WASF1: variants seen among roughly 807,000 people sequenced by gnomAD.
WASF1 encodes the protein actin-binding protein WASF1.
Under a neutral mutation model 50.5 loss-of-function variants are expected in WASF1, and 7 were observed. The ratio of observed to expected loss-of-function variants is 0.14; its 90% confidence interval spans 0.08 to 0.26. WASF1 has a LOEUF of 0.26. Among genes scored for constraint, WASF1 ranks in the 10% least tolerant of loss-of-function variants. The pLI, the probability that WASF1 is intolerant of heterozygous loss-of-function variation, is 1.00. For missense variants in WASF1, 470 were observed against 694.7 expected, an observed-to-expected ratio of 0.68 and a Z score of 3.64; for synonymous variants, 205 against 244.0, an observed-to-expected ratio of 0.84 and a Z score of 1.49.
chr6:110,116,475 G>A (rs139854176), intron 4 of WASF1, among the ~76,000 whole-genome samples: 8 of 152,296 alleles, frequency 5.3e-5, no homozygotes, highest in East Asian at 1.9e-4. Flanking sequence ...GCAGCTTGAC[G>A]GGGGAGGGGT....
intron 4 of WASF1, among the ~76,000 whole-genome samples, chr6:110,125,844 C>A (rs1303108460): frequency 6.6e-6 from 1 of 152,144 alleles, no homozygotes; most frequent in Non-Finnish European, 1.5e-5. Flanking sequence ...TTCGCTACAG[C>A]ATAACCATGT....
At chr6:110,114,966 C>T (rs1773731287) in intron 4 of WASF1, among the ~76,000 whole-genome samples, 1 of 151,882 alleles carries the variant, frequency 6.6e-6, no homozygotes, top group African/African-American at 2.4e-5. Context: ...ATGGTATGTG[C>T]CTGTAGTCCC....
intron 3 of WASF1, among the ~76,000 whole-genome samples, chr6:110,132,733 A>T (rs1295510417): frequency 6.6e-6 from 1 of 151,772 alleles, no homozygotes; most frequent in Non-Finnish European, 1.5e-5. Flanking sequence ...TATCATTCCT[A>T]TGCCTTTGCA....
At chr6:110,136,738 C>T (rs949223164) in intron 3 of WASF1, among the ~76,000 whole-genome samples, 2 of 152,212 alleles carry the variant, frequency 1.3e-5, no homozygotes, top group Admixed American at 6.5e-5. Context: ...CAGTTAGCTG[C>T]TGCCTTTTGC....
intron 8 of WASF1, among the ~76,000 whole-genome samples, chr6:110,104,869 T>C (rs1236387978): frequency 6.6e-6 from 1 of 152,178 alleles, no homozygotes; most frequent in African/African-American, 2.4e-5. Context: ...TTGCTGGTAG[T>C]ATGTTATTTA....
intron 3 of WASF1, among the ~76,000 whole-genome samples, chr6:110,148,952 T>C (rs924958353): frequency 3.9e-5 from 6 of 152,228 alleles, no homozygotes; most frequent in African/African-American, 1.4e-4. Flanking sequence ...AGAAACTTTC[T>C]ATAGTCAGCC....
chr6:110,179,256 G>A (rs1441825571), intron 1 of WASF1, among the ~76,000 whole-genome samples, 183 bp downstream of exon 1: 2 of 152,108 alleles, frequency 1.3e-5, no homozygotes, highest in Non-Finnish European at 2.9e-5. Flanking sequence ...GCTGGCGGGT[G>A]GGCGGTGGGC....
intron 3 of WASF1, among the ~76,000 whole-genome samples, chr6:110,155,542 T>TACAATCTTATATAAAAGGAGAA (rs1562185721): frequency 1.7e-5 from 2 of 117,356 alleles, no homozygotes; most frequent in African/African-American, 8.2e-5. Context: ...CCTTCTTTTT[T>TACAATCTTATATAAAAGGAGAA]TTTTTTTTTT....
intron 3 of WASF1, among the ~76,000 whole-genome samples, chr6:110,137,570 A>G (rs890480064): frequency 1.1e-4 from 16 of 152,134 alleles, no homozygotes; most frequent in African/African-American, 3.6e-4. Flanking sequence ...CTGATTATAT[A>G]CTGGCCTCCT....
chr6:110,152,154 A>G (rs1290434598), intron 3 of WASF1, among the ~76,000 whole-genome samples: 1 of 152,154 alleles, frequency 6.6e-6, no homozygotes, highest in Non-Finnish European at 1.5e-5. Context: ...GGCTTAACCT[A>G]ATCACATGAG....
intron 3 of WASF1, among the ~76,000 whole-genome samples, chr6:110,132,586 C>T (rs1233219714): frequency 1.3e-5 from 2 of 151,748 alleles, no homozygotes; most frequent in East Asian, 2.0e-4. Flanking sequence ...TATTTGGGTG[C>T]ATGTATAAGT....
intron 3 of WASF1, among the ~76,000 whole-genome samples, chr6:110,147,413 C>T (rs921551300): frequency 6.6e-6 from 1 of 151,188 alleles, no homozygotes; most frequent in African/African-American, 2.4e-5. Context: ...TGATAGGCTA[C>T]TAAAGTCGAA....
chr6:110,127,002 C>T (rs1450633766), intron 4 of WASF1, among the ~76,000 whole-genome samples: 2 of 152,112 alleles, frequency 1.3e-5, no homozygotes, highest in Non-Finnish European at 2.9e-5. Flanking sequence ...GACTAGCCTA[C>T]CCCTCTGACT....
At chr6:110,102,353 AT>A (rs1230903573) in intron 9 of WASF1, 137 bp from the exon 10 acceptor site, 5 of 875,668 alleles carry the variant, frequency 5.7e-6, no homozygotes, top group African/African-American at 1.8e-5. Flanking sequence ...GAAATTTAAC[AT>A]CTTCAACAGT....
At chr6:110,136,496 T>TG (rs1278826756) in intron 3 of WASF1, among the ~76,000 whole-genome samples, 1 of 152,244 alleles carries the variant, frequency 6.6e-6, no homozygotes, top group Non-Finnish European at 1.5e-5. Context: ...ATGTTAAGAC[T>TG]GCCCACTAAG....
At chr6:110,175,421 C>T (rs1025832713) in intron 2 of WASF1, among the ~76,000 whole-genome samples, 16 of 151,944 alleles carry the variant, frequency 1.1e-4, no homozygotes, top group African/African-American at 3.4e-4. Flanking sequence ...AGAACAGGCA[C>T]GTGTGAAAGG....
At chr6:110,119,539 C>T (rs932924909) in intron 4 of WASF1, among the ~76,000 whole-genome samples, 3 of 152,090 alleles carry the variant, frequency 2.0e-5, no homozygotes, top group Admixed American at 6.6e-5. Context: ...GAAATTGAGG[C>T]AATATTTAAT....
chr6:110,131,245 T>C (rs574543043), intron 3 of WASF1, among the ~76,000 whole-genome samples: 20 of 152,350 alleles, frequency 1.3e-4, no homozygotes, highest in Admixed American at 1.0e-3. Flanking sequence ...ACCAAGATCA[T>C]AAATATGACC....
chr6:110,170,924 A>G (rs1275373257), intron 2 of WASF1, among the ~76,000 whole-genome samples: 1 of 152,202 alleles, frequency 6.6e-6, no homozygotes, highest in Non-Finnish European at 1.5e-5. Context: ...TGCACCTAAC[A>G]GAGCATCAAA....
Sources: allele counts gnomAD v4.1 joint callset (sites outside exome capture counted in the v4.1 genomes callset), GRCh38; gene constraint gnomAD v4.1.1; transcripts MANE v1.5; gene names NCBI Gene and HGNC (gene_info 2026-07-23, HGNC 2026-07-21).